Variants in UBAP2 observed in about 807,000 individuals in gnomAD.
UBAP2 encodes ubiquitin-associated protein 2.
A neutral mutation model predicts 139.6 loss-of-function variants in UBAP2; 75 were observed. The ratio of observed to expected loss-of-function variants is 0.54; its 90% CI spans 0.45 to 0.65. UBAP2 has a LOEUF of 0.65. Among genes scored for constraint, UBAP2 ranks in the 30% least tolerant of loss-of-function variants. The pLI, the probability that UBAP2 is intolerant of heterozygous loss-of-function variation, is 0.00. For synonymous variants in UBAP2, 526 were observed against 526.2 expected (o/e 1.00, Z 0.01); for missense variants, 1,368 against 1,369.6 (o/e 1.00, Z 0.02).
chr9:33,958,607 C>T (rs540455784), intron 10 of UBAP2, among the ~76,000 whole-genome samples: 138 of 151,246 alleles, frequency 9.1e-4, no homozygotes, highest in African/African-American at 3.2e-3. Flanking sequence ...ACGGTTTCAC[C>T]ACGTTGGCCA....
chr9:34,039,864 A>AAT (rs1826893689), intron 1 of UBAP2, among the ~76,000 whole-genome samples: 1 of 150,442 alleles, frequency 6.6e-6, no homozygotes, highest in African/African-American at 2.4e-5. Context: ...AAAAAAAAAA[A>AAT]AAAAAAAATA....
chr9:34,009,580 T>C (rs1823565610), intron 2 of UBAP2, among the ~76,000 whole-genome samples: 1 of 152,080 alleles, frequency 6.6e-6, no homozygotes, highest in East Asian at 1.9e-4. Context: ...TTTTTATTAA[T>C]TGGTAAGCCA....
intron 10 of UBAP2, among the ~76,000 whole-genome samples, chr9:33,959,997 G>A (rs570927733): frequency 5.1e-4 from 78 of 152,158 alleles, no homozygotes; most frequent in Non-Finnish European, 9.7e-4. Flanking sequence ...GAGGGCGGTC[G>A]AATGATAATG....
intron 26 of UBAP2, 40 bp downstream of exon 26, chr9:33,923,146 C>A (rs1361656662): frequency 1.9e-6 from 3 of 1,612,776 alleles, no homozygotes; most frequent in South Asian, 1.1e-5. Flanking sequence ...AGGAGCCCAC[C>A]ACTCCAGGCC....
intron 1 of UBAP2, among the ~76,000 whole-genome samples, chr9:34,043,950 A>G (rs1330855508): frequency 6.6e-6 from 1 of 151,312 alleles, no homozygotes; most frequent in Admixed American, 6.6e-5. Context: ...CAAAATGACA[A>G]AATCCTGTCT....
rs969453995 is a variant in UBAP2 at position 33,980,702 on chromosome 9, T to G, written c.520+6058A>C. On this transcript the variant is annotated intron_variant, in intron 6 of 28. Coordinates refer to ENST00000379238, the MANE Select transcript of UBAP2 (RefSeq NM_001370062.2). ...CAGACGCTGTGGCTCATGCCTGTAA[T>G]GCAAGCACTTTGGGAGTTTGAGGTG... Among the ~76,000 whole-genome samples, 4 of 152,048 alleles carry G rather than the reference T, an allele frequency of 2.6e-5. No individual in the cohort carries two copies. The East Asian group carries it at 7.7e-4, about 29-fold the overall frequency.
intron 8 of UBAP2, among the ~76,000 whole-genome samples, chr9:33,965,790 T>C (rs982674662): frequency 1.3e-5 from 2 of 152,130 alleles, no homozygotes; most frequent in Non-Finnish European, 2.9e-5. Flanking sequence ...GGCTCACACC[T>C]GTAATCCCAG....
At chr9:33,978,009 T>C (rs901281434) in intron 6 of UBAP2, among the ~76,000 whole-genome samples, 5 of 137,974 alleles carry the variant, frequency 3.6e-5, no homozygotes, top group African/African-American at 5.3e-5. Context: ...AGCGAGACTC[T>C]GTCTTTTAAA....
intron 6 of UBAP2, among the ~76,000 whole-genome samples, chr9:33,979,475 T>C (rs902774463): frequency 6.6e-6 from 1 of 152,156 alleles, no homozygotes; most frequent in East Asian, 1.9e-4. Context: ...CTCAGGAGGC[T>C]GAGGCAGGAG....
At chr9:34,021,991 T>C (rs1564067416) in intron 1 of UBAP2, among the ~76,000 whole-genome samples, 1 of 152,090 alleles carries the variant, frequency 6.6e-6, no homozygotes, top group Non-Finnish European at 1.5e-5. Flanking sequence ...ACACCTGTAA[T>C]CCCAACACTT....
chr9:33,937,809 C>G (rs1824712937), intron 16 of UBAP2, among the ~76,000 whole-genome samples: 1 of 150,972 alleles, frequency 6.6e-6, no homozygotes, highest in African/African-American at 2.4e-5. Flanking sequence ...GTAATCCCAG[C>G]TAGTCAGGAG....
rs1827404285 is a variant in UBAP2 at position 33,965,840 on chromosome 9, A to T, written c.680-2049T>A. Among the ~76,000 whole-genome samples the T allele has an allele frequency of 2.0e-5, 3 of 151,324 alleles. No homozygotes were observed. The South Asian group carries it at 6.3e-4, about 32-fold the overall frequency. ...GAGGCGGGTAGATCACAAGGTCAGGAGATGGAGACCATCCTGGCTAACACA... is the reference window on the plus strand; with the variant it reads ...GAGGCGGGTAGATCACAAGGTCAGGTGATGGAGACCATCCTGGCTAACACA... On this transcript the variant is annotated intron_variant, in intron 8 of 28. Coordinates refer to ENST00000379238, the MANE Select transcript of UBAP2 (RefSeq NM_001370062.2).
At chr9:34,001,863 A>G (rs1271490801) in intron 2 of UBAP2, among the ~76,000 whole-genome samples, 1 of 152,146 alleles carries the variant, frequency 6.6e-6, no homozygotes, top group Non-Finnish European at 1.5e-5. Context: ...AGTTTCTTAA[A>G]TTATAAGCTT....
chr9:34,000,740 G>A (rs1045162412), intron 2 of UBAP2, among the ~76,000 whole-genome samples: 1 of 152,172 alleles, frequency 6.6e-6, no homozygotes, highest in African/African-American at 2.4e-5. Flanking sequence ...GGATAAGTGG[G>A]AGTTGTTGAC....
chr9:33,989,234 GCT>G (rs1821484714), intron 4 of UBAP2, 108 bp from the exon 5 acceptor site: 1 of 1,277,308 alleles, frequency 7.8e-7, no homozygotes, highest in Non-Finnish European at 1.0e-6. Flanking sequence ...ACGGAGTCTC[GCT>G]CTGTCGCCCA....
Position 33,986,781 on chromosome 9 carries a change from C to G in UBAP2, c.499G>C (p.Gly167Arg). Residue 167 changes from glycine to arginine, a missense_variant, in exon 6 of 29, where the codon GGC becomes CGC. Physicochemically the swap from Gly to Arg is moderately radical, Grantham distance 125. Transcript: ENST00000379238. The stretch of plus-strand genomic sequence containing the variant: ...TTACCTCTACCCCGGGCTCGCTTGC[C>G]ACGATCTGAAGGTTTGTCCACTTGA... ...CNQVDKPSDR[G>R]KRARGRGFGR... The G allele has an allele frequency of 6.2e-7, 1 of 1,614,096 alleles. No individual in the cohort carries two copies. Among genetic ancestry groups the G allele is most frequent in the Non-Finnish European group, 8.5e-7 (1 of 1,180,006 alleles).
At chr9:33,986,532 A>C (rs1453915141) in intron 6 of UBAP2, among the ~76,000 whole-genome samples, 1 of 152,182 alleles carries the variant, frequency 6.6e-6, no homozygotes, top group Non-Finnish European at 1.5e-5. Flanking sequence ...TAAGTTTTAA[A>C]TTATTCATAG....
chr9:33,953,670 G>C (rs980019908), intron 11 of UBAP2, among the ~76,000 whole-genome samples, 196 bp from the exon 12 acceptor site: 1 of 152,110 alleles, frequency 6.6e-6, no homozygotes, highest in Non-Finnish European at 1.5e-5. Flanking sequence ...GACTGAAGCA[G>C]GGTTTTGCAG....
intron 1 of UBAP2, among the ~76,000 whole-genome samples, chr9:34,046,643 CAAAAAAAAAAAAAAAAAAA>C (rs59971755): frequency 1.6e-5 from 2 of 122,330 alleles, no homozygotes; most frequent in Non-Finnish European, 3.4e-5. Context: ...GACTCCATCT[CAAAAAAAAAAAAAAAAAAA>C]AAAAAAAAAA....
Sources: gnomAD v4.1 joint callset for allele counts (sites outside exome capture counted in the v4.1 genomes callset) on GRCh38, gnomAD v4.1.1 for gene constraint, MANE v1.5 for transcripts, NCBI Gene and HGNC (gene_info 2026-07-23, HGNC 2026-07-21) for gene names.